RNF103: variants seen among roughly 807,000 people sequenced by gnomAD.
RNF103 encodes the protein ring finger protein 103, also known as E3 ubiquitin-protein ligase RNF103.
RNF103 carries 23 observed loss-of-function variants against 66.2 expected under a neutral mutation model. That is an observed-to-expected ratio of 0.35 (90% confidence interval 0.25 to 0.49). The LOEUF (loss-of-function observed/expected upper bound fraction) is 0.49. RNF103 is among the 20% of genes least tolerant of loss of function. RNF103 has a pLI of 0.98. For missense variants in RNF103, 730 were observed against 814.7 expected, an observed-to-expected ratio of 0.90 and a Z score of 1.27; for synonymous variants, 297 against 289.9, an observed-to-expected ratio of 1.02 and a Z score of -0.25.
intron 1 of RNF103, among the ~76,000 whole-genome samples, chr2:86,621,876 T>C (rs1679241657): frequency 6.6e-6 from 1 of 152,176 alleles, no homozygotes; most frequent in African/African-American, 2.4e-5. Flanking sequence ...TCTCACCCAA[T>C]CCTACCAAAA....
chr2:86,616,531 G>A (rs767004857), intron 2 of RNF103: 2 of 985,090 alleles, frequency 2.0e-6, no homozygotes, highest in Non-Finnish European at 2.4e-6. Flanking sequence ...CACCTCCATA[G>A]CAGTATCAAG....
intron 3 of RNF103, among the ~76,000 whole-genome samples, chr2:86,610,114 G>A (rs1472636618): frequency 6.6e-6 from 1 of 152,114 alleles, no homozygotes; most frequent in Non-Finnish European, 1.5e-5. Context: ...GAGGAGTCAT[G>A]GGCACATTAT....
At position 86,612,279 on chromosome 2, in the gene RNF103, TC is replaced by T. The variant is rs1243306451; in HGVS notation, c.367-6del. ...ACTTCTGTCATTTGCTATGACCTAT[TC>T]CCAAAAATAGAGAAAAAGAAACTTG... On this transcript the variant is annotated splice_polypyrimidine_tract_variant and splice_region_variant and intron_variant, in intron 2 of 3. Transcript: ENST00000237455. The T allele has an allele frequency of 6.4e-7, 1 of 1,564,612 alleles. No individual in the cohort carries two copies. The highest frequency in any genetic ancestry group is 1.4e-5 in the African/African-American group (1 of 72,930).
intron 3 of RNF103, among the ~76,000 whole-genome samples, chr2:86,606,488 C>A (rs952788409): frequency 4.0e-5 from 6 of 151,848 alleles, no homozygotes; most frequent in African/African-American, 1.5e-4. Context: ...CATGGTGAAA[C>A]CCCATCTCTA....
rs1195135128 is a variant in RNF103, at chr2:86,603,807, G to A, written c.*36C>T. On this transcript the variant is annotated 3_prime_UTR_variant, in exon 4 of 4. Transcript: ENST00000237455. ...CTAACATTAAAAAGGCAAGCTGTAA[G>A]ATACTCAAAGCTTATAAAGGACAAA... 1 of 1,562,110 alleles carries A rather than the reference G, an allele frequency of 6.4e-7. No homozygotes were observed. Among genetic ancestry groups the A allele is most frequent in the Non-Finnish European group, 8.6e-7 (1 of 1,158,114 alleles).
At chr2:86,621,431 C>G (rs555401832) in intron 1 of RNF103, among the ~76,000 whole-genome samples, 10 of 152,256 alleles carry the variant, frequency 6.6e-5, no homozygotes, top group Non-Finnish European at 1.5e-4. Context: ...ACCCTAGTTA[C>G]TCCACTTCTT....
intron 3 of RNF103, among the ~76,000 whole-genome samples, chr2:86,608,189 G>A (rs1678642402): frequency 2.6e-5 from 4 of 152,102 alleles, no homozygotes; most frequent in African/African-American, 9.7e-5. Flanking sequence ...GATGTGGCAT[G>A]CTATATTTAA....
chr2:86,609,286 C>A (rs139417009), intron 3 of RNF103, among the ~76,000 whole-genome samples: 1 of 152,096 alleles, frequency 6.6e-6, no homozygotes, highest in Non-Finnish European at 1.5e-5. Context: ...GAAGCCTCAC[C>A]AGAAGCTGAG....
chr2:86,604,470 A>G lies in RNF103; in HGVS notation c.1431T>C (p.Pro477=). 6.2e-7 allele frequency: 1 copy of G among 1,614,254 alleles called. No individual in the cohort carries two copies. The highest frequency in any genetic ancestry group is 8.5e-7 in the Non-Finnish European group (1 of 1,180,048). The part of the protein sequence containing the change: ...FHPIASFQNF[P]VESDWDEDPD... ...GGTCTTCGTCCCAATCAGATTCTAC[A>G]GGAAAGTTCTGAAAAGAAGCAATCG... is the stretch of plus-strand genomic sequence containing the variant. The change falls in exon 4 of 4, where the codon CCT becomes CCC. Residue 477 remains proline, a synonymous_variant. Coordinates refer to ENST00000237455, the MANE Select transcript of RNF103 (RefSeq NM_005667.4).
At chr2:86,616,324 CATT>C (rs1460343412) in intron 2 of RNF103, 2 of 236,732 alleles carry the variant, frequency 8.4e-6, no homozygotes, top group Non-Finnish European at 1.4e-5. Context: ...CTCAGTATTT[CATT>C]ATAATAGGGA....
At chr2:86,614,621 A>C (rs910470523) in intron 2 of RNF103, 2 of 376,852 alleles carry the variant, frequency 5.3e-6, no homozygotes, top group African/African-American at 2.3e-5. Context: ...GAGAGAAAAA[A>C]AAGTTGTACC....
chr2:86,609,450 A>T lies in RNF103; in HGVS notation c.482+2709T>A, dbSNP rs1040768282. Among the ~76,000 whole-genome samples, 10 of 147,044 alleles carry T rather than the reference A, an allele frequency of 6.8e-5. 1 individual carries two copies. Among genetic ancestry groups the T allele is most frequent in the African/African-American group, 2.6e-4 (10 of 38,758 alleles). ...ACCCAGGCTTGGAGTGCAGTGGTGC[A>T]ATCTCGGCTCACTGCAACCTCCACC... On this transcript the variant is annotated intron_variant, in intron 3 of 3. Coordinates refer to ENST00000237455, the MANE Select transcript of RNF103 (RefSeq NM_005667.4).
chr2:86,605,495 C>A, intron 3 of RNF103, 77 bp from the exon 4 acceptor site: 2 of 1,451,660 alleles, frequency 1.4e-6, no homozygotes, highest in Non-Finnish European at 1.8e-6. Context: ...ATTTCTTTAG[C>A]ACCTCACCCC....
Position 86,604,202 on chromosome 2 carries a change from T to C in RNF103, c.1699A>G (p.Thr567Ala). The change falls in exon 4 of 4, where the codon ACA becomes GCA. Residue 567 changes from threonine to alanine, a missense_variant. Physicochemically the swap from Thr to Ala is moderately conservative, Grantham distance 58. Transcript: ENST00000237455. ...GCCTCAGCATCACAGTGACTTGCTGTTCCTGGAGAATTGTGAAGTACGCTT... is the reference window on the plus strand; with the variant it reads ...GCCTCAGCATCACAGTGACTTGCTGCTCCTGGAGAATTGTGAAGTACGCTT... ...KQSVLHNSPG[T>A]ASHCDAEACS... 6.2e-7 allele frequency: 1 copy of C among 1,614,022 alleles called. No homozygotes were observed. Among genetic ancestry groups the C allele is most frequent in the Non-Finnish European group, 8.5e-7 (1 of 1,180,042 alleles).
chr2:86,612,850 A>G (rs1678850492), intron 2 of RNF103: 1 of 152,276 alleles, frequency 6.6e-6, no homozygotes, highest in South Asian at 2.1e-4. Flanking sequence ...AATAAGAATT[A>G]CCATTCTTCT....
rs1355476542 is a variant in RNF103 at position 86,604,588 on chromosome 2, C to T, written c.1313G>A (p.Arg438Lys). 3.1e-6 allele frequency: 5 copies of T among 1,614,166 alleles called. No homozygotes were observed. The East Asian group carries it at 8.9e-5, about 29-fold the overall frequency. Residue 438 changes from arginine to lysine, a missense_variant, in exon 4 of 4, where the codon AGA (arginine) becomes AAA (lysine). Transcript: ENST00000237455. ...GLLIDYFEKK[R>K]RRNNNNDEVN... Reference sequence around the variant, plus strand: ...TTCATCATTGTTGTTGTTGCGCCTTCTCTTCTTCTCAAAGTAATCAATTAG... The same window carrying T: ...TTCATCATTGTTGTTGTTGCGCCTTTTCTTCTTCTCAAAGTAATCAATTAG...
Position 86,622,946 on chromosome 2 carries a change from G to A in RNF103, c.-60C>T. ...GGAATACGGGAGAGAGAAGGGTCGA[G>A]GGCGGGGGCCGCGGCTCGGTGGCAG... On this transcript the variant is annotated 5_prime_UTR_variant, in exon 1 of 4. Transcript: ENST00000237455. The A allele has an allele frequency of 2.7e-6, 4 of 1,509,380 alleles. No homozygotes were observed. The highest frequency in any genetic ancestry group is 3.5e-6 in the Non-Finnish European group (4 of 1,127,040). 93.5% of individuals were successfully genotyped at this position (1,509,380 alleles called of 1,614,324 possible). A position where few individuals can be genotyped will look rare whatever the true frequency, so the allele number is the denominator to read the frequency against.
chr2:86,603,665 GCATT>G lies in RNF103; in HGVS notation c.*174_*177del. 1.2e-6 allele frequency: 1 copy of G among 803,640 alleles called. No homozygotes were observed. Among genetic ancestry groups the G allele is most frequent in the Non-Finnish European group, 1.8e-6 (1 of 543,890 alleles). 49.8% of individuals were successfully genotyped at this position (803,640 alleles called of 1,614,324 possible). A position where few individuals can be genotyped will look rare whatever the true frequency, so the allele number is the denominator to read the frequency against. On this transcript the variant is annotated 3_prime_UTR_variant, in exon 4 of 4. Transcript: ENST00000237455. Reference sequence around the variant, plus strand: ...ATAAAAAAATTTTACAATTAGGTATGCATTCAATTAACACACAAGGCAACCAAAT... The same window carrying G: ...ATAAAAAAATTTTACAATTAGGTATGCAATTAACACACAAGGCAACCAAAT...
Position 86,623,643 on chromosome 2 carries a change from C to A in RNF103, c.-757G>T. 8.8e-7 allele frequency: 1 copy of A among 1,137,708 alleles called. No individual in the cohort carries two copies. The highest frequency in any genetic ancestry group is 1.1e-6 in the Non-Finnish European group (1 of 916,868). The allele number at this position is 1,137,708 out of a possible 1,614,324, so 70.5% of individuals were successfully genotyped here. ...CCAGGATGGGGCGTCGCGGTCTCTG[C>A]AGATGGAATCGGTCTCGGAGGGAAA... On this transcript the variant is annotated 5_prime_UTR_variant, in exon 1 of 4. Coordinates refer to ENST00000237455, the MANE Select transcript of RNF103 (RefSeq NM_005667.4).
Sources: gnomAD v4.1 joint callset for allele counts (sites outside exome capture counted in the v4.1 genomes callset) on GRCh38, gnomAD v4.1.1 for gene constraint, MANE v1.5 for transcripts, NCBI Gene and HGNC (gene_info 2026-07-23, HGNC 2026-07-21) for gene names.